THSD7B: variants seen among roughly 807,000 people sequenced by gnomAD.
THSD7B encodes thrombospondin type-1 domain-containing protein 7B.
THSD7B carries 138 observed loss-of-function variants against 213.6 expected under a neutral mutation model. The observed-to-expected ratio is 0.65, with a 90% CI of 0.56 to 0.74. THSD7B has a LOEUF of 0.74. Ranked by LOEUF, THSD7B falls within the 30% of genes least tolerant of loss-of-function variation. The pLI is 0.00. For synonymous variants in THSD7B, 742 were observed against 687.0 expected (o/e 1.08, Z -1.25); for missense variants, 1,931 against 1,991.5 (o/e 0.97, Z 0.58).
intron 17 of THSD7B, among the ~76,000 whole-genome samples, chr2:137,606,776 C>A (rs1262884411): frequency 6.6e-6 from 1 of 151,498 alleles, no homozygotes. Context: ...GAGAAGTAAG[C>A]ATTTCATGGG....
At chr2:137,628,451 C>T (rs533093801) in intron 20 of THSD7B, among the ~76,000 whole-genome samples, 54 of 152,154 alleles carry the variant, frequency 3.5e-4, no homozygotes, top group Middle Eastern at 6.8e-3. Flanking sequence ...AGGCAATTTC[C>T]CTATTTTTAT....
At chr2:137,251,094 A>G (rs144919380) in intron 10 of THSD7B, among the ~76,000 whole-genome samples, 5 of 152,232 alleles carry the variant, frequency 3.3e-5, no homozygotes, top group African/African-American at 1.2e-4. Context: ...AAGGCAGAAC[A>G]GAACTTAGTA....
chr2:137,355,396 C>T (rs1164723753), intron 12 of THSD7B, among the ~76,000 whole-genome samples: 1 of 152,114 alleles, frequency 6.6e-6, no homozygotes, highest in East Asian at 1.9e-4. Context: ...TAGAAACTAT[C>T]TATGAATGAA....
intron 2 of THSD7B, among the ~76,000 whole-genome samples, chr2:137,055,058 T>G (rs966344434): frequency 4.6e-5 from 7 of 152,186 alleles, no homozygotes; most frequent in Non-Finnish European, 7.3e-5. Flanking sequence ...TGTGTTCGTT[T>G]GCTGAGGATG....
chr2:137,290,055 C>T (rs923340950), intron 12 of THSD7B, among the ~76,000 whole-genome samples: 6 of 151,588 alleles, frequency 4.0e-5, no homozygotes, highest in South Asian at 2.1e-4. Flanking sequence ...CCGGTAGTTA[C>T]GCATGATCTT....
At chr2:137,533,713 G>A (rs1400695904) in intron 15 of THSD7B, among the ~76,000 whole-genome samples, 2 of 151,874 alleles carry the variant, frequency 1.3e-5, no homozygotes, top group African/African-American at 2.4e-5. Flanking sequence ...CATAGCATGT[G>A]AGCCCTTAGC....
chr2:137,667,698 T>G (rs1683475758), intron 26 of THSD7B, 76 bp from the exon 27 acceptor site: 2 of 1,227,604 alleles, frequency 1.6e-6, no homozygotes, highest in Non-Finnish European at 2.3e-6. Flanking sequence ...GGTTGTCAGA[T>G]CTGATGTTGC....
intron 13 of THSD7B, 107 bp from the exon 14 acceptor site, chr2:137,411,502 C>T: frequency 9.1e-7 from 1 of 1,099,904 alleles, no homozygotes; most frequent in Non-Finnish European, 1.3e-6. Context: ...AAAACAAAGG[C>T]TTTATTTTAT....
At chr2:137,298,780 TC>T (rs1377612961) in intron 12 of THSD7B, among the ~76,000 whole-genome samples, 1 of 152,104 alleles carries the variant, frequency 6.6e-6, no homozygotes, top group Non-Finnish European at 1.5e-5. Flanking sequence ...TGCACAGAAG[TC>T]AAGAATTGAG....
chr2:137,365,683 A>G (rs1685390763), intron 12 of THSD7B, among the ~76,000 whole-genome samples: 2 of 152,230 alleles, frequency 1.3e-5, no homozygotes, highest in Admixed American at 1.3e-4. Flanking sequence ...AATCAAAACC[A>G]CAATGAGATA....
At chr2:137,237,804 GA>G (rs1156314994) in intron 9 of THSD7B, among the ~76,000 whole-genome samples, 3 of 152,126 alleles carry the variant, frequency 2.0e-5, no homozygotes, top group African/African-American at 7.2e-5. Context: ...TAAAGAGGAA[GA>G]GAAAGTTGAA....
intron 2 of THSD7B, among the ~76,000 whole-genome samples, chr2:136,911,001 C>T (rs941058942): frequency 6.6e-6 from 1 of 151,784 alleles, no homozygotes; most frequent in Non-Finnish European, 1.5e-5. Flanking sequence ...CTTTAAGGTA[C>T]CTTAATTATA....
intron 15 of THSD7B, among the ~76,000 whole-genome samples, chr2:137,534,482 A>C (rs907488652): frequency 2.6e-5 from 4 of 151,752 alleles, no homozygotes; most frequent in Non-Finnish European, 4.4e-5. Flanking sequence ...CTCTGAGGAA[A>C]GAGAAAGTGC....
chr2:137,013,462 G>A (rs183662319), intron 2 of THSD7B, among the ~76,000 whole-genome samples: 1 of 152,110 alleles, frequency 6.6e-6, no homozygotes, highest in East Asian at 1.9e-4. Flanking sequence ...CTTAGGATAG[G>A]GTACAAGAAA....
At chr2:137,642,401 C>T in intron 20 of THSD7B, 87 bp from the exon 21 acceptor site, 2 of 1,489,316 alleles carry the variant, frequency 1.3e-6, no homozygotes, top group East Asian at 4.6e-5. Context: ...AAAATGAAGA[C>T]TTACATGTAT....
At position 137,159,123 on chromosome 2, in the gene THSD7B, C is replaced by T. The variant is rs180769607; in HGVS notation, c.1370-1090C>T. On this transcript the variant is annotated intron_variant, in intron 5 of 27. Transcript: ENST00000409968. ...ATCTTCTCCTTCTTCTGTGTATTCTCATGGTGCCTAGAAAGAGTCTCCTGG... is the reference window on the plus strand; with the variant it reads ...ATCTTCTCCTTCTTCTGTGTATTCTTATGGTGCCTAGAAAGAGTCTCCTGG... Among the ~76,000 whole-genome samples the T allele has an allele frequency of 9.2e-5, 14 of 152,178 alleles. No homozygotes were observed. The East Asian group carries it at 2.5e-3, about 27-fold the overall frequency.
chr2:137,044,190 T>A, intron 2 of THSD7B, among the ~76,000 whole-genome samples: 1 of 152,208 alleles, frequency 6.6e-6, no homozygotes, highest in Non-Finnish European at 1.5e-5. Flanking sequence ...AGATCTATTT[T>A]CCTGGATATC....
intron 1 of THSD7B, among the ~76,000 whole-genome samples, chr2:136,798,666 G>A (rs534087934): frequency 6.6e-6 from 1 of 151,960 alleles, no homozygotes; most frequent in South Asian, 2.1e-4. Context: ...ACAAAACAAA[G>A]CAACCACCTC....
At chr2:137,483,852 T>C (rs1201018345) in intron 15 of THSD7B, among the ~76,000 whole-genome samples, 2 of 152,042 alleles carry the variant, frequency 1.3e-5, no homozygotes, top group Non-Finnish European at 2.9e-5. Flanking sequence ...GAATTTACAG[T>C]CCGTGTTCAT....
Sources: gnomAD v4.1 joint callset for allele counts (sites outside exome capture counted in the v4.1 genomes callset) on GRCh38, gnomAD v4.1.1 for gene constraint, MANE v1.5 for transcripts, NCBI Gene and HGNC (gene_info 2026-07-23, HGNC 2026-07-21) for gene names.